The following NSD2 variants were observed in gnomAD, a reference collection of about 807,000 sequenced individuals.
NSD2 encodes histone-lysine N-methyltransferase NSD2.
NSD2 carries 12 observed loss-of-function variants against 139.0 expected under a neutral mutation model. The ratio of observed to expected loss-of-function variants is 0.09; its 90% CI spans 0.06 to 0.14. The LOEUF (loss-of-function observed/expected upper bound fraction) is 0.14, where lower values mean the gene tolerates loss of function less well. Among genes scored for constraint, NSD2 ranks in the 10% least tolerant of loss-of-function variants. NSD2 has a pLI of 1.00. For missense variants in NSD2, 1,155 were observed against 1,745.0 expected, an observed-to-expected ratio of 0.66 and a Z score of 6.02; for synonymous variants, 669 against 648.7, an observed-to-expected ratio of 1.03 and a Z score of -0.48.
In NSD2 at chr4:1,956,284, C is replaced by G. The variant is rs1383151302; in HGVS notation, c.2881+96C>G. 1.9e-6 allele frequency: 2 copies of G among 1,075,178 alleles called. No homozygotes were observed. Among genetic ancestry groups the G allele is most frequent in the East Asian group, 2.6e-5 (1 of 39,088 alleles). The allele number at this position is 1,075,178 out of a possible 1,614,324, so 66.6% of individuals were successfully genotyped here. On this transcript the variant is annotated intron_variant, in intron 15 of 21. Transcript: ENST00000508803. The surrounding 1 kb of genome is among the most constrained non-coding windows in gnomAD (Gnocchi z 5.3). ...TAAAATTTGATCTTTATAGAAAATACTGGACTAAGCATTCAATCTGTTTTT... is the reference window on the plus strand; with the variant it reads ...TAAAATTTGATCTTTATAGAAAATAGTGGACTAAGCATTCAATCTGTTTTT...
chr4:1,911,615 A>G (rs1053846617), intron 3 of NSD2, among the ~76,000 whole-genome samples: 3 of 151,174 alleles, frequency 2.0e-5, no homozygotes, highest in South Asian at 2.1e-4. Flanking sequence ...AAAGAAAAAA[A>G]AAAAGAAAGA....
intron 3 of NSD2, among the ~76,000 whole-genome samples, chr4:1,915,509 A>G (rs776133352): frequency 5.3e-5 from 8 of 152,010 alleles, no homozygotes; most frequent in Non-Finnish European, 7.4e-5. Context: ...TCTGTTGGGT[A>G]TCTTCTCTTC....
chr4:1,913,860 C>T (rs192863283), intron 3 of NSD2, among the ~76,000 whole-genome samples: 1 of 152,108 alleles, frequency 6.6e-6, no homozygotes, highest in East Asian at 1.9e-4. Context: ...CATCTCTCGT[C>T]TCCACACACG....
intron 18 of NSD2, among the ~76,000 whole-genome samples, chr4:1,970,268 C>T (rs756112215): frequency 7.2e-5 from 11 of 152,174 alleles, no homozygotes; most frequent in Non-Finnish European, 1.5e-4. Context: ...AGAAATAGGG[C>T]CAAGTGGAGG....
intron 1 of NSD2, among the ~76,000 whole-genome samples, chr4:1,876,106 CGG>C (rs958282969): frequency 6.6e-6 from 1 of 151,332 alleles, no homozygotes; most frequent in Non-Finnish European, 1.5e-5. Context: ...CCCAGCTACT[CGG>C]GAGGCTGAGG....
chr4:1,944,201 A>C (rs1405916025), intron 9 of NSD2: 22 of 1,066,032 alleles, frequency 2.1e-5, no homozygotes, highest in Non-Finnish European at 2.5e-5. Flanking sequence ...CCCACTTCAG[A>C]TGCCAGGAGT....
chr4:1,925,342 T>G (rs79705811), intron 5 of NSD2, among the ~76,000 whole-genome samples: 3,569 of 151,826 alleles, frequency 0.024, 103 homozygotes, highest in African/African-American at 0.07. Flanking sequence ...CTTCAGGACT[T>G]TTTGTTGCTA....
chr4:1,978,510 C>G (rs1457999669), intron 21 of NSD2, 128 bp from the exon 22 acceptor site: 2 of 1,350,996 alleles, frequency 1.5e-6, no homozygotes, highest in African/African-American at 2.9e-5. Flanking sequence ...TCTGCCCGTC[C>G]TGTTCGCTGG....
chr4:1,904,434 C>T lies in NSD2; in HGVS notation c.760+56C>T, dbSNP rs1009922483. 2.6e-6 allele frequency: 4 copies of T among 1,530,062 alleles called. No individual in the cohort carries two copies. The African/African-American group carries it at 4.2e-5, about 16-fold the overall frequency. 94.8% of individuals were successfully genotyped at this position (1,530,062 alleles called of 1,614,324 possible). On this transcript the variant is annotated intron_variant, in intron 3 of 21. Transcript: ENST00000508803. ...TTTCTCTTCTGCACTTAATCTTTCT[C>T]ATCTCCAGGCTTCTTTCTTACTCTT...
intron 18 of NSD2, among the ~76,000 whole-genome samples, chr4:1,971,489 G>C (rs921511926): frequency 3.3e-5 from 5 of 152,158 alleles, no homozygotes; most frequent in Admixed American, 1.3e-4. Flanking sequence ...AAGAAGGACA[G>C]AATACACTGG....
chr4:1,880,811 T>A (rs190764092), intron 1 of NSD2, among the ~76,000 whole-genome samples: 163 of 152,268 alleles, frequency 1.1e-3, no homozygotes, highest in Middle Eastern at 3.4e-3. Context: ...TGGAGGAACA[T>A]GGACTAATTT....
intron 11 of NSD2, 38 bp from the exon 12 acceptor site, chr4:1,953,286 G>A: frequency 6.2e-7 from 1 of 1,614,156 alleles, no homozygotes. Flanking sequence ...CTTGTTCTTT[G>A]CACCTCTCTC....
At chr4:1,885,541 G>A (rs1715022451) in intron 1 of NSD2, among the ~76,000 whole-genome samples, 1 of 152,196 alleles carries the variant, frequency 6.6e-6, no homozygotes, top group Non-Finnish European at 1.5e-5. Context: ...CATGTATTTT[G>A]ATAGGACCTT....
intron 2 of NSD2, 94 bp downstream of exon 2, chr4:1,901,345 G>A: frequency 8.7e-7 from 1 of 1,153,498 alleles, no homozygotes; most frequent in Non-Finnish European, 1.2e-6. Context: ...GGGGCGGGCG[G>A]AGAAGGTGAG....
rs576631190 is a variant in NSD2 at position 1,914,844 on chromosome 4, C to A, written c.761-2027C>A. On this transcript the variant is annotated intron_variant, in intron 3 of 21. Transcript: ENST00000508803. Reference sequence around the variant, plus strand: ...ACTTGGAGGCTGGCCTTTCACCCAACCCCCAGCAGCTTGAATTTCAGCAGG... The same window carrying A: ...ACTTGGAGGCTGGCCTTTCACCCAAACCCCAGCAGCTTGAATTTCAGCAGG... 5.9e-5 allele frequency among the ~76,000 whole-genome samples: 9 copies of A among 152,268 alleles called. No homozygotes were observed. The South Asian group carries it at 1.9e-3, about 32-fold the overall frequency.
At position 1,958,103 on chromosome 4, in the gene NSD2, A is replaced by T; in HGVS notation, c.2985+67A>T. The T allele has an allele frequency of 6.7e-7, 1 of 1,488,036 alleles. No individual in the cohort carries two copies. The highest frequency in any genetic ancestry group is 1.8e-5 in the Admixed American group (1 of 55,384). 92.2% of individuals were successfully genotyped at this position (1,488,036 alleles called of 1,614,324 possible). On this transcript the variant is annotated intron_variant, in intron 16 of 21. Transcript: ENST00000508803. The surrounding 1 kb of genome is among the most constrained non-coding windows in gnomAD (Gnocchi z 4.6). Reference sequence around the variant, plus strand: ...TCCCCGAGGGCCGTGAGAGGTTCTTAGGCACACCCAGGCTATGGCTGGGGA... The same window carrying T: ...TCCCCGAGGGCCGTGAGAGGTTCTTTGGCACACCCAGGCTATGGCTGGGGA...
intron 1 of NSD2, among the ~76,000 whole-genome samples, chr4:1,897,343 A>T (rs1241426995): frequency 6.6e-6 from 1 of 151,860 alleles, no homozygotes; most frequent in African/African-American, 2.4e-5. Flanking sequence ...AAGTTAGCTG[A>T]GCATGGTGGG....
rs750862088 is a variant in NSD2, at chr4:1,958,594, G to C, written c.2985+558G>C. The stretch of plus-strand genomic sequence containing the variant: ...GGTGCGGCAAGCCGCATCCCCAGGA[G>C]CCTCGTGGCCGTTCCTGACGAGTGT... On this transcript the variant is annotated intron_variant, in intron 16 of 21. Coordinates refer to ENST00000508803, the MANE Select transcript of NSD2 (RefSeq NM_001042424.3). This position sits in a 1 kb window ranked among gnomAD's most constrained non-coding sequence, Gnocchi z 4.6. 2.4e-4 allele frequency among the ~76,000 whole-genome samples: 37 copies of C among 152,378 alleles called. No homozygotes were observed. Among genetic ancestry groups the C allele is most frequent in the South Asian group, 4.1e-4 (2 of 4,834 alleles).
rs569412351 is a variant in NSD2, at chr4:1,978,863, A to T, written c.4052A>T (p.Lys1351Met). 6.3e-7 allele frequency: 1 copy of T among 1,597,690 alleles called. No homozygotes were observed. ...PPPEPGKPKGKRRRRRGWRRV... is the reference protein window; with the variant it reads ...PPPEPGKPKGMRRRRRGWRRV... ...CCAGAGCCAGGGAAGCCGAAGGGGAAGAGGCGGCGGCGGAGGGGCTGGCGG... is the reference window on the plus strand; with the variant it reads ...CCAGAGCCAGGGAAGCCGAAGGGGATGAGGCGGCGGCGGAGGGGCTGGCGG... Residue 1351 changes from lysine to methionine, a missense_variant, in exon 22 of 22, where the codon AAG (lysine) becomes ATG (methionine). Coordinates refer to ENST00000508803, the MANE Select transcript of NSD2 (RefSeq NM_001042424.3).
Sources: allele counts gnomAD v4.1 joint callset (sites outside exome capture counted in the v4.1 genomes callset), GRCh38; gene constraint gnomAD v4.1.1; non-coding constraint Gnocchi (gnomAD v3.1); transcripts MANE v1.5; gene names NCBI Gene and HGNC (gene_info 2026-07-23, HGNC 2026-07-21).